LIPA: variants seen among roughly 807,000 people sequenced by gnomAD.
The protein encoded by LIPA is lipase A, lysosomal acid type.
LIPA carries 26 observed loss-of-function variants against 40.6 expected under a neutral mutation model. The observed-to-expected ratio is 0.64, with a 90% confidence interval of 0.47 to 0.89. The LOEUF is 0.89. Among genes scored for constraint, LIPA ranks in the 40% least tolerant of loss-of-function variants. The probability of loss-of-function intolerance (pLI) is 0.00; values close to 1 mark genes in which losing one functional copy is unlikely to be tolerated. For missense variants in LIPA, 455 were observed against 479.6 expected (o/e 0.95, Z 0.48); for synonymous variants, 188 against 168.4 (o/e 1.12, Z -0.90).
At chr10:89,346,913 A>C (rs1454465936), upstream of LIPA, among the ~76,000 whole-genome samples, 1 of 152,104 alleles carries the variant, frequency 6.6e-6, no homozygotes, top group Non-Finnish European at 1.5e-5. Flanking sequence ...AAAGAGCCAC[A>C]CTCAGTCAGG....
intron 2 of LIPA, among the ~76,000 whole-genome samples, chr10:89,246,416 C>A (rs2133465809): frequency 6.6e-6 from 1 of 152,194 alleles, no homozygotes; most frequent in Middle Eastern, 3.4e-3. Context: ...AGTGCACATA[C>A]CCTCTCTACC....
intron 2 of LIPA, among the ~76,000 whole-genome samples, chr10:89,411,851 C>G (rs548509209): frequency 4.4e-4 from 67 of 152,334 alleles, no homozygotes; most frequent in African/African-American, 1.5e-3. Context: ...ACTCTTATAC[C>G]AACCTCTGGA....
intron 2 of LIPA, 63 bp downstream of exon 2, chr10:89,247,475 G>T: frequency 1.1e-6 from 1 of 905,036 alleles, no homozygotes; most frequent in Non-Finnish European, 1.8e-6. Context: ...GCTTCATGTA[G>T]CTCACATAAC....
At chr10:89,339,920 G>A in intron 1 of LIPA, 1 of 1,614,190 alleles carries the variant, frequency 6.2e-7, no homozygotes, top group South Asian at 1.1e-5. Flanking sequence ...TATCTTCAAG[G>A]ATTAATTCAT....
chr10:89,264,453 CAGCTCAGTGGAG>C (rs1422351106), intron 1 of LIPA, among the ~76,000 whole-genome samples: 1 of 152,126 alleles, frequency 6.6e-6, no homozygotes, highest in Admixed American at 6.5e-5. Context: ...AATGAGTGTG[CAGCTCAGTGGAG>C]AGCAGACCTG....
chr10:89,339,051 T>C, intron 1 of LIPA: 1 of 1,614,054 alleles, frequency 6.2e-7, no homozygotes, highest in Middle Eastern at 1.6e-4. Context: ...ATCCATACAG[T>C]ATTGAGTATT....
intron 1 of LIPA, among the ~76,000 whole-genome samples, chr10:89,265,068 C>T (rs1360027687): frequency 6.6e-6 from 1 of 152,216 alleles, no homozygotes. Flanking sequence ...ACCCTGAGCA[C>T]ATCCACACCT....
At chr10:89,337,060 A>G (rs760284838) in intron 1 of LIPA, among the ~76,000 whole-genome samples, 26 of 152,322 alleles carry the variant, frequency 1.7e-4, no homozygotes, top group South Asian at 2.1e-4. Context: ...CTGTCTGGGA[A>G]TCTGGCCTGT....
chr10:89,387,412 C>G (rs1844218437), intron 2 of LIPA, among the ~76,000 whole-genome samples: 1 of 151,906 alleles, frequency 6.6e-6, no homozygotes, highest in Middle Eastern at 3.2e-3. Context: ...GATTCATTGG[C>G]TGAATATCAT....
chr10:89,217,936 G>C (rs1304446079), intron 8 of LIPA, among the ~76,000 whole-genome samples: 1 of 152,042 alleles, frequency 6.6e-6, no homozygotes, highest in Non-Finnish European at 1.5e-5. Flanking sequence ...TATACACAAG[G>C]GGTATGCCAC....
intron 1 of LIPA, among the ~76,000 whole-genome samples, 173 bp downstream of exon 1, chr10:89,251,564 G>C (rs974263905): frequency 6.6e-6 from 1 of 152,186 alleles, no homozygotes; most frequent in African/African-American, 2.4e-5. Flanking sequence ...GATGCCTTGA[G>C]CCAACGCCCG....
At chr10:89,264,680 T>A (rs1843226092) in intron 1 of LIPA, among the ~76,000 whole-genome samples, 1 of 152,200 alleles carries the variant, frequency 6.6e-6, no homozygotes, top group Non-Finnish European at 1.5e-5. Flanking sequence ...AGTCCTGGGT[T>A]TTTATGGGCT....
At chr10:89,408,413 G>C (rs7915738) in intron 2 of LIPA, among the ~76,000 whole-genome samples, 1 of 152,160 alleles carries the variant, frequency 6.6e-6, no homozygotes, top group Non-Finnish European at 1.5e-5. Flanking sequence ...TCCCACAGGA[G>C]GACCTTTCAG....
chr10:89,400,974 G>C (rs1266962036), intron 2 of LIPA, among the ~76,000 whole-genome samples: 3 of 151,730 alleles, frequency 2.0e-5, no homozygotes, highest in Non-Finnish European at 4.4e-5. Context: ...TTTCATAAAG[G>C]GTGTTGAATT....
chr10:89,296,934 C>T (rs1331713465), intron 1 of LIPA, among the ~76,000 whole-genome samples: 1 of 152,132 alleles, frequency 6.6e-6, no homozygotes, highest in Admixed American at 6.5e-5. Context: ...GGGCAACAAG[C>T]AGGGATTTAA....
intron 1 of LIPA, chr10:89,332,497 T>G (rs753681594): frequency 3.2e-6 from 5 of 1,572,082 alleles, no homozygotes; most frequent in Non-Finnish European, 4.3e-6. Flanking sequence ...CCTTTCCCCT[T>G]TCATAAAAGC....
chr10:89,359,130 C>A (rs2133590811), intron 2 of LIPA, among the ~76,000 whole-genome samples: 1 of 152,218 alleles, frequency 6.6e-6, no homozygotes, highest in African/African-American at 2.4e-5. Context: ...AGGAGCAGCC[C>A]AACCCGTCCG....
chr10:89,399,587 T>C (rs1844392425), intron 2 of LIPA, among the ~76,000 whole-genome samples: 1 of 137,686 alleles, frequency 7.3e-6, no homozygotes, highest in Non-Finnish European at 1.5e-5. Context: ...CCCTTTTTCA[T>C]CATATATCCA....
At chr10:89,300,880 G>C (rs145661527) in intron 1 of LIPA, among the ~76,000 whole-genome samples, 1,796 of 152,228 alleles carry the variant, frequency 0.012, 19 homozygotes, top group Non-Finnish European at 0.02. Context: ...CCAGCTACTC[G>C]AGAGGCTGAG....
Sources: gnomAD v4.1 joint callset for allele counts (sites outside exome capture counted in the v4.1 genomes callset) on GRCh38, gnomAD v4.1.1 for gene constraint, MANE v1.5 for transcripts, NCBI Gene and HGNC (gene_info 2026-07-23, HGNC 2026-07-21) for gene names.